Variants in SPMIP2 observed in about 807,000 individuals in gnomAD.
SPMIP2 encodes the protein protein SPMIP2.
the SPMIP2 span, among the ~76,000 whole-genome samples, chr4:159,073,291 C>A: frequency 6.6e-6 from 1 of 152,004 alleles, no homozygotes; most frequent in South Asian, 2.1e-4. Flanking sequence ...GAAGCTGGGG[C>A]CACAGGCGCA....
At chr4:158,978,636 C>T in the SPMIP2 span, among the ~76,000 whole-genome samples, 1 of 152,184 alleles carries the variant, frequency 6.6e-6, no homozygotes, top group Non-Finnish European at 1.5e-5. Context: ...ATATTTAGCT[C>T]TTTTTATTGC....
chr4:159,080,204 CTTTATTTA>C, the SPMIP2 span, among the ~76,000 whole-genome samples: 1,577 of 149,550 alleles, frequency 0.011, 35 homozygotes, highest in African/African-American at 0.037. Flanking sequence ...ACAACAAAGA[CTTTATTTA>C]TTTATTTATT....
At chr4:159,064,356 T>C in the SPMIP2 span, 1 of 152,224 alleles carries the variant, frequency 6.6e-6, no homozygotes, top group African/African-American at 2.4e-5. Flanking sequence ...GGAGTTTGAC[T>C]ATGAACAATC....
the SPMIP2 span, among the ~76,000 whole-genome samples, chr4:159,000,481 GCTT>G: frequency 2.7e-5 from 4 of 148,376 alleles, no homozygotes; most frequent in East Asian, 4.0e-4. Context: ...CTTTTGTCTG[GCTT>G]CTTCTTCTTC....
At chr4:158,922,451 A>T in the SPMIP2 span, among the ~76,000 whole-genome samples, 1 of 152,230 alleles carries the variant, frequency 6.6e-6, no homozygotes, top group Non-Finnish European at 1.5e-5. Context: ...GAAGAGGAAC[A>T]TGGTCAGATA....
chr4:158,975,127 A>C, the SPMIP2 span, among the ~76,000 whole-genome samples: 1 of 150,868 alleles, frequency 6.6e-6, no homozygotes, highest in Non-Finnish European at 1.5e-5. Context: ...ATCTGTTCAT[A>C]TCCTTCGCCC....
chr4:158,952,820 CTT>C, the SPMIP2 span, among the ~76,000 whole-genome samples: 2 of 152,180 alleles, frequency 1.3e-5, no homozygotes, highest in Non-Finnish European at 2.9e-5. Context: ...AAAGATGACT[CTT>C]GTTAGGTTTT....
At chr4:158,961,892 T>A in the SPMIP2 span, among the ~76,000 whole-genome samples, 1 of 152,100 alleles carries the variant, frequency 6.6e-6, no homozygotes, top group South Asian at 2.1e-4. Context: ...ATAAATTATT[T>A]TTTTTTTACT....
the SPMIP2 span, among the ~76,000 whole-genome samples, chr4:158,924,751 C>A: frequency 6.6e-6 from 1 of 151,828 alleles, no homozygotes; most frequent in African/African-American, 2.4e-5. Context: ...CCCAAGGGAT[C>A]CTCTCACCTC....
chr4:158,905,887 GCT>G, the SPMIP2 span: 4 of 152,084 alleles, frequency 2.6e-5, no homozygotes, highest in African/African-American at 9.7e-5. Flanking sequence ...AGTTAACCAG[GCT>G]CTGATTCCCT....
chr4:159,018,933 A>G, the SPMIP2 span, among the ~76,000 whole-genome samples: 1 of 152,154 alleles, frequency 6.6e-6, no homozygotes, highest in Admixed American at 6.5e-5. Context: ...TACTAAAAAT[A>G]CAAAAAATTA....
At chr4:158,960,171 C>A in the SPMIP2 span, 2 of 641,384 alleles carry the variant, frequency 3.1e-6, no homozygotes, top group South Asian at 2.0e-5. Flanking sequence ...TATCAAAAAC[C>A]TACATGAAAT....
chr4:159,056,015 C>T, the SPMIP2 span, among the ~76,000 whole-genome samples: 1 of 152,196 alleles, frequency 6.6e-6, no homozygotes, highest in Non-Finnish European at 1.5e-5. Flanking sequence ...GTCTTAGCTT[C>T]AGACCTTACC....
chr4:158,953,720 G>A, the SPMIP2 span, among the ~76,000 whole-genome samples: 1 of 152,248 alleles, frequency 6.6e-6, no homozygotes, highest in Non-Finnish European at 1.5e-5. Flanking sequence ...AGCCACAGGG[G>A]TGGAGCTACC....
chr4:158,895,553 T>A, the SPMIP2 span, among the ~76,000 whole-genome samples: 1 of 152,246 alleles, frequency 6.6e-6, no homozygotes, highest in Non-Finnish European at 1.5e-5. Flanking sequence ...TTAGCAAAAG[T>A]AAACTTTGTT....
the SPMIP2 span, among the ~76,000 whole-genome samples, chr4:159,080,965 C>T: frequency 1.4e-4 from 21 of 152,150 alleles, no homozygotes; most frequent in Admixed American, 1.0e-3. Context: ...CCTTGTGATC[C>T]GCCTGCCTTG....
chr4:159,012,734 G>A, the SPMIP2 span, among the ~76,000 whole-genome samples: 2 of 151,900 alleles, frequency 1.3e-5, no homozygotes, highest in Non-Finnish European at 2.9e-5. Flanking sequence ...ACCATGCCCA[G>A]CTAAATTTTT....
chr4:159,017,358 C>CACAT, the SPMIP2 span, among the ~76,000 whole-genome samples: 2 of 146,920 alleles, frequency 1.4e-5, no homozygotes, highest in African/African-American at 2.6e-5. Flanking sequence ...CAAACACATA[C>CACAT]ACACACACAC....
At chr4:158,904,826 T>TAAAC in the SPMIP2 span, 19 of 383,130 alleles carry the variant, frequency 5.0e-5, no homozygotes, top group Non-Finnish European at 8.8e-5. Context: ...ACATAAGCAC[T>TAAAC]AAACACTAAG....
Sources: allele counts gnomAD v4.1 joint callset (sites outside exome capture counted in the v4.1 genomes callset), GRCh38; gene constraint gnomAD v4.1.1; transcripts MANE v1.5; gene names NCBI Gene and HGNC (gene_info 2026-07-23, HGNC 2026-07-21).